FAM222B: variants seen among roughly 807,000 people sequenced by gnomAD.
The protein encoded by FAM222B is family with sequence similarity 222 member B.
Under a neutral mutation model 38.0 loss-of-function variants are expected in FAM222B, and 12 were observed. The ratio of observed to expected loss-of-function variants is 0.32; its 90% CI spans 0.20 to 0.51. The LOEUF is 0.51. Ranked by LOEUF, FAM222B falls within the 20% of genes least tolerant of loss-of-function variation. The pLI, the probability that FAM222B is intolerant of heterozygous loss-of-function variation, is 0.97. For missense variants in FAM222B, 716 were observed against 754.2 expected (o/e 0.95, Z 0.59); for synonymous variants, 329 against 317.2 (o/e 1.04, Z -0.40).
At chr17:28,789,562 C>T (rs2151865842) in intron 1 of FAM222B, among the ~76,000 whole-genome samples, 1 of 152,228 alleles carries the variant, frequency 6.6e-6, no homozygotes, top group African/African-American at 2.4e-5. Context: ...TCAACTTTTA[C>T]CCAGTTCTAT....
At chr17:28,806,308 G>A (rs2037495433) in intron 1 of FAM222B, among the ~76,000 whole-genome samples, 1 of 152,134 alleles carries the variant, frequency 6.6e-6, no homozygotes, top group African/African-American at 2.4e-5. Flanking sequence ...GTGAATCTAA[G>A]GAATGAACTC....
chr17:28,828,722 C>T (rs1456246763), intron 1 of FAM222B, among the ~76,000 whole-genome samples: 1 of 152,042 alleles, frequency 6.6e-6, no homozygotes, highest in Admixed American at 6.6e-5. Flanking sequence ...AATTACATTT[C>T]TGGAATTAGT....
intron 1 of FAM222B, among the ~76,000 whole-genome samples, chr17:28,838,779 C>T (rs1188401661): frequency 1.3e-5 from 2 of 151,358 alleles, no homozygotes; most frequent in Admixed American, 1.3e-4. Context: ...TGGTGGTACG[C>T]GCCTGTAATC....
intron 1 of FAM222B, among the ~76,000 whole-genome samples, chr17:28,777,325 C>T (rs2035940717): frequency 6.6e-6 from 1 of 152,168 alleles, no homozygotes; most frequent in Non-Finnish European, 1.5e-5. Context: ...GGTCCTCTTC[C>T]CATCCTGTTT....
chr17:28,808,702 T>C (rs1042307200), intron 1 of FAM222B, among the ~76,000 whole-genome samples: 1 of 152,194 alleles, frequency 6.6e-6, no homozygotes, highest in Admixed American at 6.5e-5. Flanking sequence ...CACAAAATAT[T>C]GTCTCTGACA....
At chr17:28,788,791 G>C (rs2036531824) in intron 1 of FAM222B, among the ~76,000 whole-genome samples, 1 of 151,952 alleles carries the variant, frequency 6.6e-6, no homozygotes, top group Non-Finnish European at 1.5e-5. Flanking sequence ...ATCCAGGCTG[G>C]AGCGCAGTGA....
In FAM222B at chr17:28,758,506, G is replaced by C. The variant is rs1234676228; in HGVS notation, c.1453C>G (p.Leu485Val). The change falls in exon 3 of 3, where the codon CTC (leucine) becomes GTC (valine). Residue 485 changes from leucine (L) to valine (V), a missense_variant. Transcript: ENST00000581407. Reference protein sequence around the residue: ...FHGGQPTGAPLDCAAAPGAHY... With the variant: ...FHGGQPTGAPVDCAAAPGAHY... ...GCCCCGGGAGCTGCCGCACAGTCGAGGGGTGCACCTGTGGGCTGCCCACCG... is the reference window on the plus strand; with the variant it reads ...GCCCCGGGAGCTGCCGCACAGTCGACGGGTGCACCTGTGGGCTGCCCACCG... The C allele has an allele frequency of 1.2e-5, 20 of 1,612,292 alleles. No individual in the cohort carries two copies. The highest frequency in any genetic ancestry group is 1.5e-5 in the Non-Finnish European group (18 of 1,179,860).
Position 28,759,436 on chromosome 17 carries a change from G to A in FAM222B, c.523C>T (p.Pro175Ser). The A allele has an allele frequency of 6.3e-7, 1 of 1,579,252 alleles. No individual in the cohort carries two copies. ...AHAPPQTLQH[P>S]QGIPPPQALS... ...GCCTGGGGTGGCGGGATACCCTGAGGGTGCTGCAGCGTCTGGGGAGGGGCA... is the reference window on the plus strand; with the variant it reads ...GCCTGGGGTGGCGGGATACCCTGAGAGTGCTGCAGCGTCTGGGGAGGGGCA... The change falls in exon 3 of 3, where the codon CCT (proline) becomes TCT (serine). Residue 175 changes from proline to serine, a missense_variant. Transcript: ENST00000581407. This position sits in a 1 kb window ranked among gnomAD's most constrained non-coding sequence, Gnocchi z 4.8.
intron 1 of FAM222B, among the ~76,000 whole-genome samples, chr17:28,818,909 A>C (rs1489266193): frequency 1.3e-5 from 2 of 152,218 alleles, no homozygotes; most frequent in Non-Finnish European, 2.9e-5. Context: ...ATGCACAGCC[A>C]ATTCCCTTCT....
chr17:28,761,276 G>A (rs2035059938), intron 2 of FAM222B, among the ~76,000 whole-genome samples: 1 of 152,186 alleles, frequency 6.6e-6, no homozygotes, highest in Non-Finnish European at 1.5e-5. Context: ...CCTCCTGCAA[G>A]GGGGCTCTGC....
At chr17:28,848,588 G>A (rs1397598145) in intron 1 of FAM222B, among the ~76,000 whole-genome samples, 1 of 151,726 alleles carries the variant, frequency 6.6e-6, no homozygotes, top group African/African-American at 2.4e-5. Context: ...GTGAAAGTGT[G>A]TCTCTACTAA....
intron 1 of FAM222B, among the ~76,000 whole-genome samples, chr17:28,817,412 CA>C (rs34394358): frequency 0.2 from 27,920 of 136,276 alleles, 2,677 homozygotes; most frequent in Middle Eastern, 0.33. Context: ...GACTCTGTCT[CA>C]AAAAAAAAAA....
rs183615903 is a variant in FAM222B, at chr17:28,793,984, G to C, written c.-40-27277C>G. 2.5e-3 allele frequency among the ~76,000 whole-genome samples: 377 copies of C among 152,110 alleles called. 3 individuals carry two copies. Among genetic ancestry groups the C allele is most frequent in the African/African-American group, 8.2e-3 (341 of 41,494 alleles). On this transcript the variant is annotated intron_variant, in intron 1 of 2. Transcript: ENST00000581407. ...GGCTGGCCTCAAACTCCCGACCTCA[G>C]GTAATCTGCCTGCCTCGGCCTCCCA...
chr17:28,826,792 G>A (rs1046575161), intron 1 of FAM222B, among the ~76,000 whole-genome samples: 2 of 151,732 alleles, frequency 1.3e-5, no homozygotes, highest in African/African-American at 4.8e-5. Context: ...TGCCAATGCT[G>A]AAAACATAGT....
At chr17:28,772,673 G>A (rs2151808481) in intron 1 of FAM222B, among the ~76,000 whole-genome samples, 1 of 152,130 alleles carries the variant, frequency 6.6e-6, no homozygotes, top group East Asian at 1.9e-4. Context: ...AAGGTGGGCA[G>A]ATCACAAGGT....
At chr17:28,821,952 A>G (rs1276541203) in intron 1 of FAM222B, among the ~76,000 whole-genome samples, 1 of 151,838 alleles carries the variant, frequency 6.6e-6, no homozygotes, top group Non-Finnish European at 1.5e-5. Flanking sequence ...GCGACAGAGC[A>G]AGAGTCCGTC....
chr17:28,790,884 C>CTTTTTTTTTTTTTTTTTTTTTTTT (rs60664262), intron 1 of FAM222B, among the ~76,000 whole-genome samples: 6 of 86,090 alleles, frequency 7.0e-5, no homozygotes, highest in Non-Finnish European at 1.3e-4. Context: ...AATTGTTTCA[C>CTTTTTTTTTTTTTTTTTTTTTTTT]TTTTTTTTTT....
In FAM222B at chr17:28,758,372, C is replaced by G; in HGVS notation, c.1587G>C (p.Gln529His). ...GDFQQACFRE[Q>H]SLAMLSKAHR... ...GGGCCTTGCTCAGCATGGCCAGGCTCTGTTCTCGGAAGCAGGCCTGTTGGA... is the reference window on the plus strand; with the variant it reads ...GGGCCTTGCTCAGCATGGCCAGGCTGTGTTCTCGGAAGCAGGCCTGTTGGA... The change falls in exon 3 of 3, where the codon CAG becomes CAC. Residue 529 changes from glutamine (Q) to histidine (H), a missense_variant. By Grantham distance (24) the Gln-to-His change is conservative. Coordinates refer to ENST00000581407, the MANE Select transcript of FAM222B (RefSeq NM_001077498.3). 6.2e-7 allele frequency: 1 copy of G among 1,613,888 alleles called. No homozygotes were observed.
chr17:28,846,814 G>A (rs962357396), upstream of FAM222B, among the ~76,000 whole-genome samples: 4 of 152,060 alleles, frequency 2.6e-5, no homozygotes, highest in East Asian at 5.8e-4. Flanking sequence ...AAGGCCAAAC[G>A]TGGTGTCTCA....
Sources: allele counts gnomAD v4.1 joint callset (sites outside exome capture counted in the v4.1 genomes callset), GRCh38; gene constraint gnomAD v4.1.1; non-coding constraint Gnocchi (gnomAD v3.1); transcripts MANE v1.5; gene names NCBI Gene and HGNC (gene_info 2026-07-23, HGNC 2026-07-21).